OCSTAMP: variants seen among roughly 807,000 people sequenced by gnomAD.
OCSTAMP encodes osteoclast stimulatory transmembrane protein, also known as transmembrane protein C20orf123.
In OCSTAMP, 17 loss-of-function variants were observed where a neutral mutation model predicts 25.2. The ratio of observed to expected loss-of-function variants is 0.68; its 90% CI spans 0.46 to 1.01. The LOEUF is 1.01. Among genes scored for constraint, OCSTAMP ranks in the 50% least tolerant of loss-of-function variants. The probability of loss-of-function intolerance (pLI) is 0.00; values close to 1 mark genes in which losing one functional copy is unlikely to be tolerated. For synonymous variants in OCSTAMP, 345 were observed against 318.9 expected, an observed-to-expected ratio of 1.08 and a Z score of -0.87; for missense variants, 664 against 694.6, an observed-to-expected ratio of 0.96 and a Z score of 0.50.
rs903095150 is a variant in OCSTAMP at position 46,541,183 on chromosome 20, A to C, written c.*91T>G. On this transcript the variant is annotated 3_prime_UTR_variant, in exon 3 of 3. Transcript: ENST00000279028. ...ATCTAACAAGTAGAGCAGTTGGTGC[A>C]GATGAGATGAGCCTGATCGCCAACC... 1.5e-6 allele frequency: 1 copy of C among 654,254 alleles called. No homozygotes were observed. Among genetic ancestry groups the C allele is most frequent in the Non-Finnish European group, 2.8e-6 (1 of 351,344 alleles). The allele number at this position is 654,254 out of a possible 1,614,324, so 40.5% of individuals were successfully genotyped here. A position where few individuals can be genotyped will look rare whatever the true frequency, so the allele number is the denominator to read the frequency against.
At chr20:46,550,356 T>C (rs1362306700) in intron 1 of OCSTAMP, among the ~76,000 whole-genome samples, 161 bp downstream of exon 1, 1 of 152,176 alleles carries the variant, frequency 6.6e-6, no homozygotes, top group Non-Finnish European at 1.5e-5. Flanking sequence ...TTACTTCCAT[T>C]TCACAGATGG....
rs2061847592 is a variant in OCSTAMP at position 46,545,326 on chromosome 20, C to T, written c.1047+1G>A. 1 of 1,464,820 alleles carries T rather than the reference C, an allele frequency of 6.8e-7. No individual in the cohort carries two copies. Among genetic ancestry groups the T allele is most frequent in the Non-Finnish European group, 9.0e-7 (1 of 1,107,544 alleles). 90.7% of individuals were successfully genotyped at this position (1,464,820 alleles called of 1,614,324 possible). A position where few individuals can be genotyped will look rare whatever the true frequency, so the allele number is the denominator to read the frequency against. ...TTCCCTTTTCCCATCATCACACTTA[C>T]ATCATACTTGACCGTGAGCGTGATG... is the stretch of plus-strand genomic sequence containing the variant. On this transcript the variant is annotated splice_donor_variant, in intron 2 of 2. Transcript: ENST00000279028. LOFTEE classifies it high-confidence loss of function.
At chr20:46,543,920 T>A (rs2061843377) in intron 2 of OCSTAMP, among the ~76,000 whole-genome samples, 1 of 152,094 alleles carries the variant, frequency 6.6e-6, no homozygotes, top group Non-Finnish European at 1.5e-5. Context: ...AAGAAATGCA[T>A]TTTACAGGCC....
At chr20:46,543,305 C>CTTTCTTTCTTTCTTTCTTTCTTT in intron 2 of OCSTAMP, among the ~76,000 whole-genome samples, 1 of 128,408 alleles carries the variant, frequency 7.8e-6, no homozygotes. Flanking sequence ...CTTTCTCTTT[C>CTTTCTTTCTTTCTTTCTTTCTTT]CTTTCTTTCT....
intron 1 of OCSTAMP, among the ~76,000 whole-genome samples, chr20:46,547,062 G>A (rs1368379759): frequency 6.6e-6 from 1 of 152,152 alleles, no homozygotes; most frequent in Non-Finnish European, 1.5e-5. Context: ...ATTTGCAGAG[G>A]CTGATTGGTT....
rs3092597 is a variant in OCSTAMP at position 46,542,574 on chromosome 20, C to CAAAAAAAAAAAAAAAAAAAAAAAAA, written c.1048-648_1048-647insTTTTTTTTTTTTTTTTTTTTTTTTT. Among the ~76,000 whole-genome samples the CAAAAAAAAAAAAAAAAAAAAAAAAA allele has an allele frequency of 2.0e-3, 205 of 100,332 alleles. 15 individuals are homozygous for CAAAAAAAAAAAAAAAAAAAAAAAAA. Among genetic ancestry groups the CAAAAAAAAAAAAAAAAAAAAAAAAA allele is most frequent in the African/African-American group, 9.6e-3 (191 of 19,978 alleles). 65.8% of individuals were successfully genotyped at this position (100,332 alleles called of 152,430 possible). A position where few individuals can be genotyped will look rare whatever the true frequency, so the allele number is the denominator to read the frequency against. On this transcript the variant is annotated intron_variant, in intron 2 of 2. Coordinates refer to ENST00000279028, the MANE Select transcript of OCSTAMP (RefSeq NM_080721.3). The stretch of plus-strand genomic sequence containing the variant: ...TGGGCAACACAGCAAGACTCTGTCT[C>CAAAAAAAAAAAAAAAAAAAAAAAAA]AAAAAAAAAAAAAAGATGGGAAGCC...
rs79950589 is a variant in OCSTAMP at position 46,544,736 on chromosome 20, C to T, written c.1047+591G>A. ...CTCAACTTTGCCTTTGTAGGGCAGC[C>T]ACAGACAATATATTGACAAATGGCA... On this transcript the variant is annotated intron_variant, in intron 2 of 2. Coordinates refer to ENST00000279028, the MANE Select transcript of OCSTAMP (RefSeq NM_080721.3). 2.3e-4 allele frequency among the ~76,000 whole-genome samples: 35 copies of T among 152,258 alleles called. No homozygotes were observed. In the East Asian group the frequency reaches 6.8e-3, roughly 29 times the overall value.
Position 46,550,588 on chromosome 20 carries a change from G to T in OCSTAMP, c.-28C>A. 1 of 1,551,306 alleles carries T rather than the reference G, an allele frequency of 6.4e-7. No homozygotes were observed. The highest frequency in any genetic ancestry group is 8.7e-7 in the Non-Finnish European group (1 of 1,146,706). ...TGTCCAAATGGCAGTGGTTTCAGGC[G>T]GGCGGTCGCTGGCAGCTGTGGCAGG... On this transcript the variant is annotated 5_prime_UTR_variant, in exon 1 of 3. Coordinates refer to ENST00000279028, the MANE Select transcript of OCSTAMP (RefSeq NM_080721.3).
chr20:46,544,007 G>GAGA (rs2061843575), intron 2 of OCSTAMP, among the ~76,000 whole-genome samples: 1 of 152,124 alleles, frequency 6.6e-6, no homozygotes, highest in South Asian at 2.1e-4. Flanking sequence ...CCAGGAGTCT[G>GAGA]AGACCAGCCT....
rs895552695 is a variant in OCSTAMP at position 46,548,437 on chromosome 20, G to A, written c.44+2080C>T. Among the ~76,000 whole-genome samples the A allele has an allele frequency of 3.5e-4, 53 of 152,318 alleles. 1 individual carries two copies. Among genetic ancestry groups the A allele is most frequent in the African/African-American group, 1.2e-3 (50 of 41,562 alleles). On this transcript the variant is annotated intron_variant, in intron 1 of 2. Transcript: ENST00000279028. ...ACTATTCATTAAGAGTAGCATGACC[G>A]ATTGCTTCTGTTTGCTCAGGTTGGC...
At chr20:46,549,680 A>G (rs965514720) in intron 1 of OCSTAMP, among the ~76,000 whole-genome samples, 5 of 152,156 alleles carry the variant, frequency 3.3e-5, no homozygotes, top group Admixed American at 2.6e-4. Flanking sequence ...ATCGGGAAAT[A>G]GGGAGTTGGG....
chr20:46,541,571 G>C lies in OCSTAMP; in HGVS notation c.1404C>G (p.Cys468Trp), dbSNP rs1168509205. 2 of 1,551,678 alleles carry C rather than the reference G, an allele frequency of 1.3e-6. No homozygotes were observed. The highest frequency in any genetic ancestry group is 1.7e-6 in the Non-Finnish European group (2 of 1,146,976). The change falls in exon 3 of 3, where the codon TGC becomes TGG. Residue 468 changes from cysteine to tryptophan, a missense_variant. Transcript: ENST00000279028. ...GQQLPLGDPS[C>W]VPTPRPACKP... ...TGCAGGCAGGTCTGGGTGTGGGGAC[G>C]CAAGAAGGATCCCCTAGGGGCAGCT... is the stretch of plus-strand genomic sequence containing the variant.
At chr20:46,548,735 T>G (rs934927700) in intron 1 of OCSTAMP, among the ~76,000 whole-genome samples, 1 of 152,208 alleles carries the variant, frequency 6.6e-6, no homozygotes, top group Admixed American at 6.5e-5. Context: ...CAGGCAAAGC[T>G]GCTGACTTGC....
Position 46,545,361 on chromosome 20 carries a change from G to A in OCSTAMP, c.1013C>T (p.Pro338Leu). The part of the protein sequence containing the change: ...QATVDWAQKL[P>L]TVPITLTVKY... ...GACCGTGAGCGTGATGGGCACAGTT[G>A]GCAACTTCTGAGCCCAGTCCACAGT... Residue 338 changes from proline (P) to leucine (L), a missense_variant, in exon 2 of 3, where the codon CCA (proline) becomes CTA (leucine). Coordinates refer to ENST00000279028, the MANE Select transcript of OCSTAMP (RefSeq NM_080721.3). 1 of 1,493,228 alleles carries A rather than the reference G, an allele frequency of 6.7e-7. No homozygotes were observed. Among genetic ancestry groups the A allele is most frequent in the Non-Finnish European group, 8.9e-7 (1 of 1,121,754 alleles). The allele number at this position is 1,493,228 out of a possible 1,614,324, so 92.5% of individuals were successfully genotyped here. A position where few individuals can be genotyped will look rare whatever the true frequency, so the allele number is the denominator to read the frequency against.
intron 2 of OCSTAMP, among the ~76,000 whole-genome samples, chr20:46,542,820 C>T (rs1432387204): frequency 6.6e-6 from 1 of 152,132 alleles, no homozygotes. Context: ...AGAAGGATAG[C>T]TTGCCACACC....
At chr20:46,546,479 T>C in intron 1 of OCSTAMP, 150 bp from the exon 2 acceptor site, 1 of 668,258 alleles carries the variant, frequency 1.5e-6, no homozygotes, top group Non-Finnish European at 2.5e-6. Flanking sequence ...AGTAAGTCAC[T>C]GTATACCCAC....
At chr20:46,545,198 G>A in intron 2 of OCSTAMP, 129 bp downstream of exon 2, 1 of 993,158 alleles carries the variant, frequency 1.0e-6, no homozygotes. Flanking sequence ...ATGGTATGGG[G>A]CCCCATGGAT....
At chr20:46,550,046 A>G (rs2061865845) in intron 1 of OCSTAMP, among the ~76,000 whole-genome samples, 1 of 152,224 alleles carries the variant, frequency 6.6e-6, no homozygotes, top group Non-Finnish European at 1.5e-5. Context: ...GGCCTTCCAC[A>G]GGTGCAACCC....
Position 46,550,521 on chromosome 20 carries a change from T to A in OCSTAMP, c.40A>T (p.Thr14Ser). 1 of 1,551,658 alleles carries A rather than the reference T, an allele frequency of 6.4e-7. No homozygotes were observed. The highest frequency in any genetic ancestry group is 1.2e-5 in the South Asian group (1 of 84,062). ...GTCCAAAGTCCCCAGACCTACCCGG[T>A]CTTGACAAGTTGCTCAGCTGCTCCT... ...HPGAAEQLVK[T>S]GWRSWHLGFW... The change falls in exon 1 of 3, where the codon ACC becomes TCC. Residue 14 changes from threonine to serine, a missense_variant. Physicochemically the swap from Thr to Ser is moderately conservative, Grantham distance 58. Transcript: ENST00000279028.
Sources: gnomAD v4.1 joint callset for allele counts (sites outside exome capture counted in the v4.1 genomes callset) on GRCh38, gnomAD v4.1.1 for gene constraint, MANE v1.5 for transcripts, NCBI Gene and HGNC (gene_info 2026-07-23, HGNC 2026-07-21) for gene names.